Variants in EXPH5 observed in about 807,000 individuals in gnomAD.
EXPH5 encodes the protein exophilin 5.
A neutral mutation model predicts 41.1 loss-of-function variants in EXPH5; 42 were observed. That is an observed-to-expected ratio of 1.02 (90% confidence interval 0.80 to 1.32). EXPH5 has a LOEUF of 1.32. Among genes scored for constraint, EXPH5 ranks in the 40% most tolerant of loss-of-function variants. The pLI is 0.00. For missense variants in EXPH5, 2,298 were observed against 2,314.5 expected (o/e 0.99, Z 0.15); for synonymous variants, 798 against 833.5 (o/e 0.96, Z 0.73).
At chr11:108,546,865 C>T (rs1265112911) in intron 1 of EXPH5, among the ~76,000 whole-genome samples, 1 of 150,710 alleles carries the variant, frequency 6.6e-6, no homozygotes. Context: ...TACAGTGGCA[C>T]AATCTCGGCT....
chr11:108,562,265 GTT>G (rs35527615), intron 1 of EXPH5, among the ~76,000 whole-genome samples: 17,326 of 104,218 alleles, frequency 0.17, 388 homozygotes, highest in South Asian at 0.23. Flanking sequence ...TTTTTTCTGT[GTT>G]TTTTTTTTTT....
intron 1 of EXPH5, among the ~76,000 whole-genome samples, chr11:108,592,817 A>G (rs1032096166): frequency 5.9e-5 from 9 of 152,210 alleles, no homozygotes; most frequent in Non-Finnish European, 1.2e-4. Context: ...ATTCGCCCAC[A>G]TAAGCCTCTA....
chr11:108,605,993 C>T, the EXPH5 span, among the ~76,000 whole-genome samples: 9 of 152,286 alleles, frequency 5.9e-5, no homozygotes, highest in East Asian at 9.7e-4. Flanking sequence ...ATATGACTTC[C>T]CTAATCAGGA....
At position 108,510,314 on chromosome 11, in the gene EXPH5, G is replaced by A. The variant is rs764448147; in HGVS notation, c.5193C>T (p.Ala1731=). ...GGCTGGTGAATGTGATGGGTGATGG[G>A]GCTCCTGATTCTCTTACTAAATTCT... ...AAQNLVRESG[A]PSPITFTSLR... Residue 1731 remains alanine (A), a synonymous_variant, in exon 6 of 6, where the codon GCC becomes GCT. Transcript: ENST00000265843. The A allele has an allele frequency of 1.2e-6, 2 of 1,614,096 alleles. No homozygotes were observed. Among genetic ancestry groups the A allele is most frequent in the Admixed American group, 1.7e-5 (1 of 60,020 alleles).
the EXPH5 span, among the ~76,000 whole-genome samples, chr11:108,605,240 C>A: frequency 6.6e-6 from 1 of 152,146 alleles, no homozygotes; most frequent in Admixed American, 6.5e-5. Flanking sequence ...AAGAGTTGAT[C>A]ACAAAAGCAG....
intron 1 of EXPH5, among the ~76,000 whole-genome samples, chr11:108,576,816 A>C (rs947904703): frequency 6.6e-6 from 1 of 152,150 alleles, no homozygotes; most frequent in Non-Finnish European, 1.5e-5. Context: ...GCTATCAAAC[A>C]CTAGATATTA....
intron 1 of EXPH5, among the ~76,000 whole-genome samples, chr11:108,592,276 A>C (rs2094129316): frequency 6.6e-6 from 1 of 152,106 alleles, no homozygotes; most frequent in Non-Finnish European, 1.5e-5. Context: ...TTTAGGGGAG[A>C]AGGGTGAAGT....
At chr11:108,538,114 T>C (rs967145368) in intron 3 of EXPH5, 2 of 985,260 alleles carry the variant, frequency 2.0e-6, no homozygotes, top group East Asian at 2.3e-4. Context: ...GGGAGGACAG[T>C]GGTCTGTTAA....
In EXPH5 at chr11:108,519,836, G is replaced by C. The variant is rs2093753247; in HGVS notation, c.493-1463C>G. ...ATGGTGGCAGATGTCTGTAATCCCA[G>C]CTACCTGGGAGGGCTGAGGCAGGAG... On this transcript the variant is annotated intron_variant, in intron 4 of 5. Coordinates refer to ENST00000265843, the MANE Select transcript of EXPH5 (RefSeq NM_015065.3). 2.0e-5 allele frequency among the ~76,000 whole-genome samples: 3 copies of C among 151,172 alleles called. No homozygotes were observed. The South Asian group carries it at 6.3e-4, about 32-fold the overall frequency.
chr11:108,570,422 G>C (rs922220289), intron 1 of EXPH5, among the ~76,000 whole-genome samples: 1 of 151,758 alleles, frequency 6.6e-6, no homozygotes, highest in Non-Finnish European at 1.5e-5. Flanking sequence ...GCCCAGCTAA[G>C]TTTTGTATTT....
At chr11:108,588,961 G>A (rs2094120997) in intron 1 of EXPH5, among the ~76,000 whole-genome samples, 1 of 152,178 alleles carries the variant, frequency 6.6e-6, no homozygotes, top group South Asian at 2.1e-4. Context: ...CCATTGGAAA[G>A]TGCAGACAGC....
chr11:108,547,715 T>A (rs2640773), intron 1 of EXPH5, among the ~76,000 whole-genome samples: 1 of 152,082 alleles, frequency 6.6e-6, no homozygotes. Context: ...TAATAAAATA[T>A]GTTACATTTC....
At chr11:108,555,976 C>T (rs1467998438) in intron 1 of EXPH5, among the ~76,000 whole-genome samples, 1 of 152,190 alleles carries the variant, frequency 6.6e-6, no homozygotes, top group Admixed American at 6.5e-5. Flanking sequence ...TTCACTCTGG[C>T]TCCCCTTCCA....
At chr11:108,551,921 G>C (rs540921704) in intron 1 of EXPH5, 3 of 152,074 alleles carry the variant, frequency 2.0e-5, no homozygotes, top group Admixed American at 2.0e-4. Context: ...ACTGTATCCC[G>C]AGTCAGAGCT....
chr11:108,588,414 A>G (rs1409626184), intron 1 of EXPH5, among the ~76,000 whole-genome samples: 1 of 152,228 alleles, frequency 6.6e-6, no homozygotes, highest in Non-Finnish European at 1.5e-5. Flanking sequence ...TAGATGGGCC[A>G]GGTGAGGAAA....
chr11:108,573,551 C>T (rs559990717), intron 1 of EXPH5, among the ~76,000 whole-genome samples: 6 of 152,306 alleles, frequency 3.9e-5, no homozygotes, highest in South Asian at 2.1e-4. Flanking sequence ...TATAGCATTT[C>T]GCCTCATCAA....
At chr11:108,565,976 G>GA (rs1323210658) in intron 1 of EXPH5, among the ~76,000 whole-genome samples, 1 of 151,880 alleles carries the variant, frequency 6.6e-6, no homozygotes, top group Non-Finnish European at 1.5e-5. Context: ...TTCAAGTGAG[G>GA]AAAAAAAATC....
chr11:108,591,925 C>A (rs2094128439), intron 1 of EXPH5, among the ~76,000 whole-genome samples: 1 of 152,208 alleles, frequency 6.6e-6, no homozygotes, highest in Admixed American at 6.5e-5. Context: ...TACAATGGAT[C>A]ACTTAAGAAG....
chr11:108,540,014 CATAT>C (rs2093903777), intron 2 of EXPH5, among the ~76,000 whole-genome samples: 1 of 152,034 alleles, frequency 6.6e-6, no homozygotes, highest in Admixed American at 6.6e-5. Flanking sequence ...GCAACATCAA[CATAT>C]ACAAAATCCA....
Sources: gnomAD v4.1 joint callset for allele counts (sites outside exome capture counted in the v4.1 genomes callset) on GRCh38, gnomAD v4.1.1 for gene constraint, MANE v1.5 for transcripts, NCBI Gene and HGNC (gene_info 2026-07-23, HGNC 2026-07-21) for gene names.